SLC44A4: variants seen among roughly 807,000 people sequenced by gnomAD.
SLC44A4 encodes choline transporter-like protein 4.
In SLC44A4, 74 loss-of-function variants were observed where a neutral mutation model predicts 97.0. That is an observed-to-expected ratio of 0.76 (90% CI 0.63 to 0.93). The LOEUF (loss-of-function observed/expected upper bound fraction) is 0.93, where lower values mean the gene tolerates loss of function less well. Ranked by LOEUF, SLC44A4 falls within the 40% of genes least tolerant of loss-of-function variation. The probability of loss-of-function intolerance (pLI) is 0.00; values close to 1 mark genes in which losing one functional copy is unlikely to be tolerated. For synonymous variants in SLC44A4, 325 were observed against 363.8 expected, an observed-to-expected ratio of 0.89 and a Z score of 1.21; for missense variants, 799 against 902.9, an observed-to-expected ratio of 0.88 and a Z score of 1.48.
At chr6:31,868,182 G>A (rs1483863551) in intron 13 of SLC44A4, among the ~76,000 whole-genome samples, 4 of 152,156 alleles carry the variant, frequency 2.6e-5, no homozygotes, top group Non-Finnish European at 4.4e-5. Flanking sequence ...CAGCTCAGAC[G>A]AGGTGAAGAT....
Position 31,865,212 on chromosome 6 carries a change from T to A in SLC44A4, c.1760+103A>T. The A allele has an allele frequency of 6.5e-7, 1 of 1,534,802 alleles. No homozygotes were observed. The highest frequency in any genetic ancestry group is 9.0e-7 in the Non-Finnish European group (1 of 1,108,484). On this transcript the variant is annotated intron_variant, in intron 17 of 20. Transcript: ENST00000229729. The surrounding 1 kb of genome is among the most constrained non-coding windows in gnomAD (Gnocchi z 5.2). ...TTTCAAGATGGCAAGAGCAGAGCAC[T>A]AAACTAAGTCTAGGGCCCGACTGAG...
At chr6:31,873,354 T>C (rs1479043107) in intron 7 of SLC44A4, among the ~76,000 whole-genome samples, 1 of 152,134 alleles carries the variant, frequency 6.6e-6, no homozygotes, top group Non-Finnish European at 1.5e-5. Context: ...AGCTAAGTTT[T>C]GTATTTTTAG....
At chr6:31,873,560 G>T (rs1763286132) in intron 7 of SLC44A4, among the ~76,000 whole-genome samples, 1 of 151,962 alleles carries the variant, frequency 6.6e-6, no homozygotes, top group South Asian at 2.1e-4. Flanking sequence ...CACTTTGAGA[G>T]GCTGAGGTGG....
intron 13 of SLC44A4, among the ~76,000 whole-genome samples, chr6:31,866,399 A>G (rs1281219719): frequency 1.3e-5 from 2 of 152,236 alleles, no homozygotes; most frequent in Non-Finnish European, 2.9e-5. Context: ...CAGCCTCTGC[A>G]ACGTCTACCA....
At position 31,874,334 on chromosome 6, in the gene SLC44A4, G is replaced by A; in HGVS notation, c.529+126C>T. 1 of 1,000,990 alleles carries A rather than the reference G, an allele frequency of 1.0e-6. No homozygotes were observed. Among genetic ancestry groups the A allele is most frequent in the Non-Finnish European group, 1.5e-6 (1 of 645,332 alleles). The allele number at this position is 1,000,990 out of a possible 1,614,324, so 62.0% of individuals were successfully genotyped here. A position where few individuals can be genotyped will look rare whatever the true frequency, so the allele number is the denominator to read the frequency against. On this transcript the variant is annotated intron_variant, in intron 7 of 20. Coordinates refer to ENST00000229729, the MANE Select transcript of SLC44A4 (RefSeq NM_025257.3). This position sits in a 1 kb window ranked among gnomAD's most constrained non-coding sequence, Gnocchi z 4.8. The stretch of plus-strand genomic sequence containing the variant: ...ATAACAAAGAGCAAAATGAAGACCT[G>A]ATGCTAATTCCAATTTTGCCACCAA...
chr6:31,878,981 G>A lies in SLC44A4; in HGVS notation c.-1C>T. The A allele has an allele frequency of 6.2e-7, 1 of 1,613,486 alleles. No homozygotes were observed. On this transcript the variant is annotated 5_prime_UTR_variant, in exon 1 of 21. Transcript: ENST00000229729. The surrounding 1 kb of genome is among the most constrained non-coding windows in gnomAD (Gnocchi z 4.0). Reference sequence around the variant, plus strand: ...CCTCGTCCCGCTGCTTTCCCCCCATGGCTCAGTCTCCGGAGTGATTGGAGC... The same window carrying A: ...CCTCGTCCCGCTGCTTTCCCCCCATAGCTCAGTCTCCGGAGTGATTGGAGC...
chr6:31,864,548 A>G, intron 20 of SLC44A4, 104 bp downstream of exon 20: 1 of 1,099,632 alleles, frequency 9.1e-7, no homozygotes. Context: ...TTTAGCTCAC[A>G]AAGGCATTGT....
rs1018996166 is a variant in SLC44A4, at chr6:31,871,455, G to T, written c.617+19C>A. ...GGTGGAAGGGGTGTGGCCAGGATGT[G>T]GGGGAGGGAGGTGCCTACCTGATCC... On this transcript the variant is annotated intron_variant, in intron 8 of 20. Transcript: ENST00000229729. 6 of 1,613,636 alleles carry T rather than the reference G, an allele frequency of 3.7e-6. No individual in the cohort carries two copies. In the East Asian group the frequency reaches 1.3e-4, roughly 36 times the overall value.
Position 31,869,102 on chromosome 6 carries a change from T to C in SLC44A4, c.1233+53A>G. 5.5e-6 allele frequency: 8 copies of C among 1,455,418 alleles called. No individual in the cohort carries two copies. In the South Asian group the frequency reaches 9.1e-5, roughly 17 times the overall value. 90.2% of individuals were successfully genotyped at this position (1,455,418 alleles called of 1,614,324 possible). A position where few individuals can be genotyped will look rare whatever the true frequency, so the allele number is the denominator to read the frequency against. On this transcript the variant is annotated intron_variant, in intron 13 of 20. Transcript: ENST00000229729. The stretch of plus-strand genomic sequence containing the variant: ...TCTGCACAATGAGGAATGTGGCCCC[T>C]ACAGCCCCTCACCCCTACTAGTCCC...
chr6:31,864,224 G>GC (rs1183231916), intron 20 of SLC44A4, among the ~76,000 whole-genome samples: 2 of 152,044 alleles, frequency 1.3e-5, no homozygotes, highest in Non-Finnish European at 2.9e-5. Context: ...ACAGGCGCCC[G>GC]CCACCGCGCC....
At chr6:31,875,347 C>T (rs1763387790) in intron 4 of SLC44A4, among the ~76,000 whole-genome samples, 1 of 152,202 alleles carries the variant, frequency 6.6e-6, no homozygotes, top group Non-Finnish European at 1.5e-5. Context: ...AACAGTAGTG[C>T]CTACCTCATG....
Position 31,876,015 on chromosome 6 carries a change from C to T in SLC44A4, c.163+41G>A. On this transcript the variant is annotated intron_variant, in intron 3 of 20. Transcript: ENST00000229729. The surrounding 1 kb of genome is among the most constrained non-coding windows in gnomAD (Gnocchi z 4.8). ...GAATGGTCCCTCCCTGGGTTCCTGT[C>T]CCTCACCCACTGCCCTGGCTCTGAG... 2 of 1,613,140 alleles carry T rather than the reference C, an allele frequency of 1.2e-6. No homozygotes were observed. The highest frequency in any genetic ancestry group is 1.7e-6 in the Non-Finnish European group (2 of 1,179,156).
chr6:31,871,315 C>T lies in SLC44A4; in HGVS notation c.700G>A (p.Val234Ile). ...DFAQSWYWIL[V>I]ALGVALVLSL... ...GAGGAGGGGAATCTGGTGACTCACA[C>T]AAGAATCCAATACCAGGACTGGGCA... Residue 234 changes from valine (V) to isoleucine (I), a missense_variant and splice_region_variant, in exon 9 of 21, where the codon GTT (valine) becomes ATT (isoleucine). Physicochemically the swap from Val to Ile is conservative, Grantham distance 29. Transcript: ENST00000229729. 6.2e-7 allele frequency: 1 copy of T among 1,613,836 alleles called. No individual in the cohort carries two copies. The highest frequency in any genetic ancestry group is 8.5e-7 in the Non-Finnish European group (1 of 1,179,750).
rs781343101 is a variant in SLC44A4, at chr6:31,871,468, G to A, written c.617+6C>T. The A allele has an allele frequency of 6.2e-7, 1 of 1,613,872 alleles. No homozygotes were observed. Among genetic ancestry groups the A allele is most frequent in the East Asian group, 2.2e-5 (1 of 44,884 alleles). ...TGGCCAGGATGTGGGGGAGGGAGGT[G>A]CCTACCTGATCCCCTGCTGTATGGT... is the stretch of plus-strand genomic sequence containing the variant. On this transcript the variant is annotated splice_donor_region_variant and intron_variant, in intron 8 of 20. Coordinates refer to ENST00000229729, the MANE Select transcript of SLC44A4 (RefSeq NM_025257.3).
chr6:31,864,373 G>A (rs1762719639), intron 20 of SLC44A4: 1 of 551,672 alleles, frequency 1.8e-6, no homozygotes, highest in African/African-American at 1.9e-5. Flanking sequence ...ACCATGCCTG[G>A]CCTCTAATGG....
intron 13 of SLC44A4, among the ~76,000 whole-genome samples, chr6:31,866,668 G>A (rs1486370232): frequency 2.0e-5 from 3 of 152,078 alleles, no homozygotes; most frequent in African/African-American, 4.8e-5. Flanking sequence ...CGAGGTGGGC[G>A]GATCGCCTGA....
At chr6:31,870,506 G>C in intron 11 of SLC44A4, 97 bp downstream of exon 11, 2 of 944,778 alleles carry the variant, frequency 2.1e-6, no homozygotes, top group Non-Finnish European at 3.3e-6. Flanking sequence ...CTTCTCCTCT[G>C]AGGCTCCCTG....
Position 31,864,810 on chromosome 6 carries a change from A to T in SLC44A4, c.1926+6T>A. 1 of 1,613,834 alleles carries T rather than the reference A, an allele frequency of 6.2e-7. No individual in the cohort carries two copies. The highest frequency in any genetic ancestry group is 8.5e-7 in the Non-Finnish European group (1 of 1,179,916). ...GGGTGGAGCAGCAGAGAGGGGAGTC[A>T]CTCACCATGATGGGCAGCCAGTAAT... On this transcript the variant is annotated splice_donor_region_variant and intron_variant, in intron 19 of 20. Coordinates refer to ENST00000229729, the MANE Select transcript of SLC44A4 (RefSeq NM_025257.3).
intron 18 of SLC44A4, 33 bp downstream of exon 18, chr6:31,864,977 T>C (rs1174842572): frequency 3.1e-6 from 5 of 1,613,944 alleles, no homozygotes; most frequent in East Asian, 2.2e-5. Context: ...CCAGCACCCC[T>C]ACCCTCTGTC....
Sources: allele counts gnomAD v4.1 joint callset (sites outside exome capture counted in the v4.1 genomes callset), GRCh38; gene constraint gnomAD v4.1.1; non-coding constraint Gnocchi (gnomAD v3.1); transcripts MANE v1.5; gene names NCBI Gene and HGNC (gene_info 2026-07-23, HGNC 2026-07-21).